Variants in UGT2A2 observed in about 807,000 individuals in gnomAD.
UGT2A2 encodes the protein UDP glucuronosyltransferase family 2 member A2, also known as UDP-glucuronosyltransferase 2A2.
Under a neutral mutation model 50.7 loss-of-function variants are expected in UGT2A2, and 60 were observed. The ratio of observed to expected loss-of-function variants is 1.18; its 90% CI spans 0.96 to 1.47. UGT2A2 has a LOEUF of 1.47. UGT2A2 is among the 40% of genes most tolerant of loss of function. The pLI is 0.00. For missense variants in UGT2A2, 762 were observed against 634.0 expected, an observed-to-expected ratio of 1.20 and a Z score of -2.17; for synonymous variants, 242 against 214.6, an observed-to-expected ratio of 1.13 and a Z score of -1.11.
intron 5 of UGT2A2, among the ~76,000 whole-genome samples, chr4:69,591,504 AG>A (rs1718598541): frequency 6.6e-6 from 1 of 152,178 alleles, no homozygotes; most frequent in Non-Finnish European, 1.5e-5. Context: ...GGAAGCCTTC[AG>A]GTAGTAGGCT....
chr4:69,599,174 G>A (rs569557188), intron 2 of UGT2A2, 72 bp downstream of exon 2: 3 of 1,494,040 alleles, frequency 2.0e-6, no homozygotes, highest in South Asian at 2.8e-5. Flanking sequence ...TGTTATTGAG[G>A]CTATAAACTT....
chr4:69,638,614 G>A (rs1236251518), intron 1 of UGT2A2, among the ~76,000 whole-genome samples: 6 of 152,110 alleles, frequency 3.9e-5, no homozygotes, highest in African/African-American at 1.2e-4. Flanking sequence ...TCCTAATATG[G>A]GCACTTTCAT....
rs186724190 is a variant in UGT2A2, at chr4:69,610,762, T to C, written c.743-11368A>G. ...ATATAAGATGGTGGCCATAAAAACT[T>C]CAAGAAAAAACAGACCTGGCAAACC... is the stretch of plus-strand genomic sequence containing the variant. On this transcript the variant is annotated intron_variant, in intron 1 of 5. Coordinates refer to ENST00000604629, the MANE Select transcript of UGT2A2 (RefSeq NM_001105677.2). Among the ~76,000 whole-genome samples, 276 of 152,210 alleles carry C rather than the reference T, an allele frequency of 1.8e-3. 1 individual carries two copies. The highest frequency in any genetic ancestry group is 6.4e-3 in the African/African-American group (266 of 41,528).
At chr4:69,629,818 C>T (rs1161112208) in intron 1 of UGT2A2, among the ~76,000 whole-genome samples, 1 of 152,018 alleles carries the variant, frequency 6.6e-6, no homozygotes, top group African/African-American at 2.4e-5. Flanking sequence ...AACCATGAGC[C>T]TAGCAGCTTC....
chr4:69,628,445 C>A (rs1025298715), intron 1 of UGT2A2, among the ~76,000 whole-genome samples: 1 of 151,618 alleles, frequency 6.6e-6, no homozygotes, highest in Non-Finnish European at 1.5e-5. Flanking sequence ...AAGAAACCTA[C>A]CCATATATGG....
intron 1 of UGT2A2, among the ~76,000 whole-genome samples, chr4:69,617,758 A>C (rs1720489527): frequency 6.6e-6 from 1 of 151,866 alleles, no homozygotes; most frequent in African/African-American, 2.4e-5. Flanking sequence ...TGCCATTATA[A>C]TACACTTACT....
At chr4:69,591,506 G>A (rs987513120) in intron 5 of UGT2A2, among the ~76,000 whole-genome samples, 4 of 152,256 alleles carry the variant, frequency 2.6e-5, no homozygotes, top group Admixed American at 2.0e-4. Flanking sequence ...AAGCCTTCAG[G>A]TAGTAGGCTT....
At chr4:69,594,371 G>T (rs993143169) in intron 5 of UGT2A2, 106 bp downstream of exon 5, 3 of 1,408,400 alleles carry the variant, frequency 2.1e-6, no homozygotes, top group Non-Finnish European at 2.9e-6. Context: ...TCAGGTTATG[G>T]TTGTTATTGG....
intron 1 of UGT2A2, among the ~76,000 whole-genome samples, chr4:69,637,928 CAGGA>C (rs989226820): frequency 6.8e-5 from 8 of 117,078 alleles, no homozygotes; most frequent in South Asian, 2.6e-4. Context: ...GGCAGGCAGG[CAGGA>C]AGGAAGGAAG....
At chr4:69,611,848 T>G (rs942943526) in intron 1 of UGT2A2, among the ~76,000 whole-genome samples, 1 of 152,164 alleles carries the variant, frequency 6.6e-6, no homozygotes, top group African/African-American at 2.4e-5. Flanking sequence ...GAAAGCCTAA[T>G]GGATTGCCCT....
At chr4:69,601,235 T>C (rs1719269796) in intron 1 of UGT2A2, among the ~76,000 whole-genome samples, 1 of 152,096 alleles carries the variant, frequency 6.6e-6, no homozygotes. Flanking sequence ...AGAGCTTCCC[T>C]CTGATCCTCA....
rs959283062 is a variant in UGT2A2, at chr4:69,589,586, C to T, written c.1397G>A (p.Arg466Gln). 13 of 1,613,962 alleles carry T rather than the reference C, an allele frequency of 8.1e-6. No homozygotes were observed. Among genetic ancestry groups the T allele is most frequent in the Admixed American group, 5.0e-5 (3 of 60,010 alleles). The change falls in exon 6 of 6, where the codon CGA (arginine) becomes CAA (glutamine). Residue 466 changes from arginine (R) to glutamine (Q), a missense_variant. Transcript: ENST00000604629. ...GACAAACTCGATCCAGAAGACTGCT[C>T]GATCCAGGGGCTTTACAGGTTGATC... ...HHDQPVKPLD[R>Q]AVFWIEFVMR... is the part of the protein sequence containing the mutation.
At chr4:69,600,302 T>A (rs1317472898) in intron 1 of UGT2A2, among the ~76,000 whole-genome samples, 1 of 152,170 alleles carries the variant, frequency 6.6e-6, no homozygotes, top group Non-Finnish European at 1.5e-5. Flanking sequence ...TTGTGTGCAC[T>A]CCCAGACTCC....
intron 1 of UGT2A2, among the ~76,000 whole-genome samples, chr4:69,601,127 G>A (rs1719262293): frequency 2.0e-5 from 3 of 152,196 alleles, no homozygotes; most frequent in African/African-American, 7.2e-5. Context: ...GGAGCCAGGT[G>A]AGGTTTACTT....
chr4:69,621,572 C>G (rs745907362), intron 1 of UGT2A2, among the ~76,000 whole-genome samples: 1 of 151,672 alleles, frequency 6.6e-6, no homozygotes, highest in Non-Finnish European at 1.5e-5. Context: ...ATTAGTTCAC[C>G]CATTGTGGAA....
chr4:69,599,224 T>C, intron 2 of UGT2A2, 22 bp downstream of exon 2: 1 of 1,589,422 alleles, frequency 6.3e-7, no homozygotes. Context: ...GAGCATAAAA[T>C]CCTCCACTGT....
intron 5 of UGT2A2, among the ~76,000 whole-genome samples, chr4:69,591,304 G>T (rs899644953): frequency 6.6e-6 from 1 of 152,136 alleles, no homozygotes; most frequent in African/African-American, 2.4e-5. Context: ...AATCAAATAT[G>T]TTTAAGAAAT....
intron 1 of UGT2A2, among the ~76,000 whole-genome samples, chr4:69,633,479 C>G (rs1721500479): frequency 1.3e-5 from 2 of 152,022 alleles, no homozygotes; most frequent in South Asian, 4.2e-4. Context: ...CATGTATTCA[C>G]CAATATTAGG....
intron 1 of UGT2A2, among the ~76,000 whole-genome samples, chr4:69,609,686 AC>A: frequency 1.8e-5 from 1 of 55,682 alleles, no homozygotes; most frequent in Non-Finnish European, 3.9e-5. Flanking sequence ...CTATACCCAC[AC>A]CTATACCTAT....
Sources: gnomAD v4.1 joint callset for allele counts (sites outside exome capture counted in the v4.1 genomes callset) on GRCh38, gnomAD v4.1.1 for gene constraint, MANE v1.5 for transcripts, NCBI Gene and HGNC (gene_info 2026-07-23, HGNC 2026-07-21) for gene names.